Variants in FBXL4 observed in about 807,000 individuals in gnomAD.
FBXL4 encodes the protein F-box and leucine rich repeat protein 4, also known as F-box/LRR-repeat protein 4.
In FBXL4, 40 loss-of-function variants were observed where a neutral mutation model predicts 58.9. That is an observed-to-expected ratio of 0.68 (90% CI 0.53 to 0.88). The LOEUF (loss-of-function observed/expected upper bound fraction) is 0.88, where lower values mean the gene tolerates loss of function less well. Among genes scored for constraint, FBXL4 ranks in the 40% least tolerant of loss-of-function variants. FBXL4 has a pLI of 0.00. For synonymous variants in FBXL4, 263 were observed against 265.5 expected (o/e 0.99, Z 0.09); for missense variants, 676 against 734.4 (o/e 0.92, Z 0.92).
At chr6:98,883,565 A>C (rs925026951) in intron 7 of FBXL4, among the ~76,000 whole-genome samples, 4 of 151,586 alleles carry the variant, frequency 2.6e-5, no homozygotes, top group Admixed American at 6.6e-5. Flanking sequence ...TCTTTTTTGC[A>C]CTTAGGTTTT....
chr6:98,937,329 T>C (rs974952617), intron 1 of FBXL4, among the ~76,000 whole-genome samples: 70 of 152,222 alleles, frequency 4.6e-4, no homozygotes, highest in Admixed American at 1.4e-3. Context: ...AATATAACTT[T>C]TGACTCACCC....
intron 7 of FBXL4, among the ~76,000 whole-genome samples, chr6:98,884,750 T>A (rs576408257): frequency 3.3e-5 from 5 of 152,224 alleles, no homozygotes; most frequent in Non-Finnish European, 7.3e-5. Flanking sequence ...TGAAAGATAA[T>A]GATTCTTAAC....
chr6:98,931,903 T>C (rs1773026946), intron 2 of FBXL4, among the ~76,000 whole-genome samples: 1 of 152,218 alleles, frequency 6.6e-6, no homozygotes, highest in African/African-American at 2.4e-5. Context: ...GTCCAGGCGC[T>C]GTCTGGACTT....
At chr6:98,877,383 G>C (rs1385655125) in intron 8 of FBXL4, among the ~76,000 whole-genome samples, 1 of 152,114 alleles carries the variant, frequency 6.6e-6, no homozygotes, top group Non-Finnish European at 1.5e-5. Flanking sequence ...ATTTGTGCCT[G>C]GGCAATCTCA....
intron 8 of FBXL4, among the ~76,000 whole-genome samples, chr6:98,878,132 G>A (rs772859396): frequency 1.3e-4 from 20 of 152,100 alleles, no homozygotes; most frequent in Non-Finnish European, 2.6e-4. Context: ...ACTCAGCGAA[G>A]GTATATAATA....
In FBXL4 at chr6:98,870,460, TG is replaced by T. The variant is rs1241254639; in HGVS notation, c.*3817del. On this transcript the variant is annotated 3_prime_UTR_variant, in exon 10 of 10. Coordinates refer to ENST00000369244, the MANE Select transcript of FBXL4 (RefSeq NM_001278716.2). Reference sequence around the variant, plus strand: ...CACTCATTCGTTTAGGTACTGTCTATGATTGCTTTCACATTAGAATGGCAGA... The same window carrying T: ...CACTCATTCGTTTAGGTACTGTCTATATTGCTTTCACATTAGAATGGCAGA... 6.6e-6 allele frequency: 1 copy of T among 152,228 alleles called. No individual in the cohort carries two copies. The allele number at this position is 152,228 out of a possible 1,614,324, so 9.4% of individuals were successfully genotyped here.
At chr6:98,902,791 T>C (rs1771662112) in intron 6 of FBXL4, among the ~76,000 whole-genome samples, 1 of 152,054 alleles carries the variant, frequency 6.6e-6, no homozygotes, top group African/African-American at 2.4e-5. Flanking sequence ...TCTAAGACTT[T>C]GGGGAACCAT....
chr6:98,877,414 C>G (rs1325826137), intron 8 of FBXL4, among the ~76,000 whole-genome samples: 1 of 152,190 alleles, frequency 6.6e-6, no homozygotes, highest in African/African-American at 2.4e-5. Flanking sequence ...AACAAATTCT[C>G]TACTAGCATA....
At chr6:98,893,719 A>G (rs1240266004) in intron 7 of FBXL4, among the ~76,000 whole-genome samples, 1 of 152,182 alleles carries the variant, frequency 6.6e-6, no homozygotes, top group Non-Finnish European at 1.5e-5. Flanking sequence ...TATGTTTTCA[A>G]CTTATATTCA....
At position 98,917,414 on chromosome 6, in the gene FBXL4, T is replaced by C. The variant is rs759388601; in HGVS notation, c.818A>G (p.Glu273Gly). 6.2e-7 allele frequency: 1 copy of C among 1,612,504 alleles called. No homozygotes were observed. The highest frequency in any genetic ancestry group is 1.7e-5 in the Admixed American group (1 of 59,860). ...NKKFSSAVLG[E>G]GPNNGYFDKL... The stretch of plus-strand genomic sequence containing the variant: ...ATCAAAATACCCATTATTTGGCCCT[T>C]CCCCGAGGACAGCACTGCTAAACTT... Residue 273 changes from glutamate (E) to glycine (G), a missense_variant, in exon 5 of 10, where the codon GAA becomes GGA. Physicochemically the swap from Glu to Gly is moderately conservative, Grantham distance 98 (BLOSUM62 -2). Coordinates refer to ENST00000369244, the MANE Select transcript of FBXL4 (RefSeq NM_001278716.2).
At position 98,933,368 on chromosome 6, in the gene FBXL4, T is replaced by C. The variant is rs1182133479; in HGVS notation, c.-191+1394A>G. ...ACATGATATACAAGAACATTCTATC[T>C]AACTTTGAGCCCGCCTTCCCCTTCC... On this transcript the variant is annotated intron_variant, in intron 2 of 9. Transcript: ENST00000369244. 2.6e-5 allele frequency among the ~76,000 whole-genome samples: 4 copies of C among 152,170 alleles called. No homozygotes were observed. The East Asian group carries it at 7.7e-4, about 29-fold the overall frequency.
At chr6:98,937,626 G>A (rs1441171604) in intron 1 of FBXL4, among the ~76,000 whole-genome samples, 1 of 152,124 alleles carries the variant, frequency 6.6e-6, no homozygotes, top group East Asian at 1.9e-4. Flanking sequence ...AAGTGATGGA[G>A]GAGGTGTAAA....
intron 5 of FBXL4, among the ~76,000 whole-genome samples, chr6:98,910,724 G>A (rs962150276): frequency 6.6e-6 from 1 of 152,030 alleles, no homozygotes; most frequent in Non-Finnish European, 1.5e-5. Flanking sequence ...GGAACAGCTC[G>A]AGTCTATAGG....
intron 4 of FBXL4, among the ~76,000 whole-genome samples, chr6:98,919,890 A>G (rs1462022824): frequency 6.6e-6 from 1 of 152,150 alleles, no homozygotes; most frequent in Non-Finnish European, 1.5e-5. Flanking sequence ...TGCTGGAGGA[A>G]CATCTCCAAG....
rs550173089 is a variant in FBXL4, at chr6:98,885,352, G to T, written c.1318-4728C>A. Among the ~76,000 whole-genome samples the T allele has an allele frequency of 4.6e-5, 7 of 152,224 alleles. No individual in the cohort carries two copies. The East Asian group carries it at 1.2e-3, about 25-fold the overall frequency. ...CCTGACCTCATAATCCACCCACCTCGGCCTCCTAAAGTGCTGAAATTACAG... is the reference window on the plus strand; with the variant it reads ...CCTGACCTCATAATCCACCCACCTCTGCCTCCTAAAGTGCTGAAATTACAG... On this transcript the variant is annotated intron_variant, in intron 7 of 9. Transcript: ENST00000369244.
intron 5 of FBXL4, among the ~76,000 whole-genome samples, chr6:98,911,113 G>A (rs993640902): frequency 6.6e-6 from 1 of 152,214 alleles, no homozygotes; most frequent in Non-Finnish European, 1.5e-5. Context: ...CAAGGTGGCA[G>A]CCTGGATGGG....
intron 1 of FBXL4, among the ~76,000 whole-genome samples, chr6:98,946,179 A>G (rs1050171655): frequency 6.6e-6 from 1 of 152,106 alleles, no homozygotes; most frequent in Non-Finnish European, 1.5e-5. Context: ...ACAGGGAGCC[A>G]AAGAATACTA....
intron 7 of FBXL4, among the ~76,000 whole-genome samples, 199 bp from the exon 8 acceptor site, chr6:98,880,823 T>C (rs1024423397): frequency 2.0e-5 from 3 of 152,148 alleles, no homozygotes; most frequent in Admixed American, 6.5e-5. Context: ...AAGGTAATCA[T>C]TACTAGTCTC....
chr6:98,924,825 G>A (rs1049532450), intron 4 of FBXL4, among the ~76,000 whole-genome samples: 2 of 152,186 alleles, frequency 1.3e-5, no homozygotes, highest in Admixed American at 6.5e-5. Context: ...ATGTTACGGA[G>A]GTAGCAGCTG....
Sources: gnomAD v4.1 joint callset for allele counts (sites outside exome capture counted in the v4.1 genomes callset) on GRCh38, gnomAD v4.1.1 for gene constraint, MANE v1.5 for transcripts, NCBI Gene and HGNC (gene_info 2026-07-23, HGNC 2026-07-21) for gene names.